Variants in TFAP2B observed in about 807,000 individuals in gnomAD.
The protein encoded by TFAP2B is transcription factor AP-2-beta.
In TFAP2B, 9 loss-of-function variants were observed where a neutral mutation model predicts 44.3. The ratio of observed to expected loss-of-function variants is 0.20; its 90% CI spans 0.12 to 0.35. The LOEUF is 0.35. Ranked by LOEUF, TFAP2B falls within the 10% of genes least tolerant of loss-of-function variation. The pLI is 1.00. For missense variants in TFAP2B, 509 were observed against 600.0 expected, an observed-to-expected ratio of 0.85 and a Z score of 1.59; for synonymous variants, 270 against 263.8, an observed-to-expected ratio of 1.02 and a Z score of -0.23.
chr6:50,843,491 AATTAT>A lies in TFAP2B; in HGVS notation c.*104_*108del, dbSNP rs1380222439. On this transcript the variant is annotated 3_prime_UTR_variant, in exon 7 of 7. Coordinates refer to ENST00000393655, the MANE Select transcript of TFAP2B (RefSeq NM_003221.4). The stretch of plus-strand genomic sequence containing the variant: ...TAAAATATTGGATTGGCTTTGGAAG[AATTAT>A]ATTAGGTAGAATACACATACAATCA... 81 of 1,290,748 alleles carry A rather than the reference AATTAT, an allele frequency of 6.3e-5. 2 individuals carry two copies. In the East Asian group the frequency reaches 1.2e-3, roughly 18 times the overall value. The allele number at this position is 1,290,748 out of a possible 1,614,324, so 80.0% of individuals were successfully genotyped here. A position where few individuals can be genotyped will look rare whatever the true frequency, so the allele number is the denominator to read the frequency against.
chr6:50,830,451 G>A, intron 3 of TFAP2B: 1 of 307,488 alleles, frequency 3.3e-6, no homozygotes, highest in Non-Finnish European at 4.8e-6. Flanking sequence ...ATAAGAAAAA[G>A]AGAATAATGA....
At chr6:50,823,961 T>C (rs1770434693) in intron 2 of TFAP2B, 96 bp downstream of exon 2, 1 of 1,322,892 alleles carries the variant, frequency 7.6e-7, no homozygotes, top group African/African-American at 1.4e-5. Flanking sequence ...TCTGTCTCTT[T>C]TTGGGGAGTT....
chr6:50,823,889 CAA>C (rs1350379385), intron 2 of TFAP2B, 24 bp downstream of exon 2: 10 of 1,537,852 alleles, frequency 6.5e-6, no homozygotes, highest in Middle Eastern at 3.3e-4. Context: ...AACAAACAAA[CAA>C]ACAAAAAAGA....
In TFAP2B at chr6:50,846,599, T is replaced by C. The variant is rs888230460; in HGVS notation, c.*3207T>C. On this transcript the variant is annotated 3_prime_UTR_variant, in exon 7 of 7. Transcript: ENST00000393655. ...CCTTCACACTTTCCACTTCGCAAGT[T>C]CTTTTAAAGGTTCCAAAGATCTCCA... 6 of 152,150 alleles carry C rather than the reference T, an allele frequency of 3.9e-5. No homozygotes were observed. The highest frequency in any genetic ancestry group is 7.3e-5 in the African/African-American group (3 of 41,364). 9.4% of individuals were successfully genotyped at this position (152,150 alleles called of 1,614,324 possible). A position where few individuals can be genotyped will look rare whatever the true frequency, so the allele number is the denominator to read the frequency against.
intron 2 of TFAP2B, among the ~76,000 whole-genome samples, chr6:50,824,705 G>A (rs769437370): frequency 6.6e-6 from 1 of 152,026 alleles, no homozygotes; most frequent in Admixed American, 6.6e-5. Flanking sequence ...AAAACAAAAG[G>A]CTCAAAACAC....
At chr6:50,821,466 GTCTC>G (rs534022728) in intron 1 of TFAP2B, among the ~76,000 whole-genome samples, 279 of 152,262 alleles carry the variant, frequency 1.8e-3, no homozygotes, top group African/African-American at 6.5e-3. Context: ...GATTAGGGAA[GTCTC>G]TCTCCAGGTA....
chr6:50,825,712 CAGAGGTAG>C (rs1036626735), intron 2 of TFAP2B, among the ~76,000 whole-genome samples: 39 of 152,206 alleles, frequency 2.6e-4, no homozygotes, highest in African/African-American at 8.9e-4. Context: ...ATACAGACCA[CAGAGGTAG>C]AGAGCTGAAA....
intron 6 of TFAP2B, among the ~76,000 whole-genome samples, chr6:50,841,830 A>C (rs1414567638): frequency 6.6e-6 from 1 of 152,192 alleles, no homozygotes; most frequent in Non-Finnish European, 1.5e-5. Flanking sequence ...GTATGTGTGT[A>C]CTTCAAAGGG....
chr6:50,844,890 C>T lies in TFAP2B; in HGVS notation c.*1498C>T, dbSNP rs1007537720. The T allele has an allele frequency of 3.3e-5, 5 of 152,150 alleles. No homozygotes were observed. The highest frequency in any genetic ancestry group is 5.9e-5 in the Non-Finnish European group (4 of 68,032). The allele number at this position is 152,150 out of a possible 1,614,324, so 9.4% of individuals were successfully genotyped here. A position where few individuals can be genotyped will look rare whatever the true frequency, so the allele number is the denominator to read the frequency against. ...GGCATTTTTCCCTCCCAGACGTGCA[C>T]TTGTTTTGGCATATAATGGCAAAAT... On this transcript the variant is annotated 3_prime_UTR_variant, in exon 7 of 7. Transcript: ENST00000393655.
In TFAP2B at chr6:50,847,415, C is replaced by A. The variant is rs149020095; in HGVS notation, c.*4023C>A. ...ATTTAATGGGAATGTGTAAATATGG[C>A]GAGCAAGTAGTTTGGGATTATTTAT... On this transcript the variant is annotated 3_prime_UTR_variant, in exon 7 of 7. Transcript: ENST00000393655. 1 of 152,440 alleles carries A rather than the reference C, an allele frequency of 6.6e-6. No individual in the cohort carries two copies. The highest frequency in any genetic ancestry group is 2.4e-5 in the African/African-American group (1 of 41,372). 9.4% of individuals were successfully genotyped at this position (152,440 alleles called of 1,614,324 possible). A position where few individuals can be genotyped will look rare whatever the true frequency, so the allele number is the denominator to read the frequency against.
intron 6 of TFAP2B, among the ~76,000 whole-genome samples, chr6:50,841,039 TAAAG>T (rs1762718878): frequency 6.6e-6 from 1 of 152,220 alleles, no homozygotes; most frequent in Non-Finnish European, 1.5e-5. Flanking sequence ...CAGCGTAATT[TAAAG>T]AAATATATGG....
At chr6:50,842,030 G>T (rs1229382165) in intron 6 of TFAP2B, among the ~76,000 whole-genome samples, 1 of 152,232 alleles carries the variant, frequency 6.6e-6, no homozygotes, top group African/African-American at 2.4e-5. Context: ...GCTAGGCCAG[G>T]TGTGGCCAGG....
chr6:50,824,324 T>G (rs1177553620), intron 2 of TFAP2B, among the ~76,000 whole-genome samples: 1 of 152,144 alleles, frequency 6.6e-6, no homozygotes, highest in Non-Finnish European at 1.5e-5. Flanking sequence ...CAGAATGAAG[T>G]TCCAGGGGCC....
At chr6:50,827,066 C>T (rs1770528731) in intron 2 of TFAP2B, among the ~76,000 whole-genome samples, 1 of 152,274 alleles carries the variant, frequency 6.6e-6, no homozygotes, top group East Asian at 1.9e-4. Context: ...CCACAACTAC[C>T]CCACGTCGCT....
intron 6 of TFAP2B, 114 bp from the exon 7 acceptor site, chr6:50,842,978 T>C: frequency 7.2e-7 from 1 of 1,396,104 alleles, no homozygotes; most frequent in Non-Finnish European, 1.0e-6. Context: ...TCGCCCACAT[T>C]AGCCTCGCTC....
chr6:50,832,499 T>G (rs1233884485), intron 3 of TFAP2B, among the ~76,000 whole-genome samples: 1 of 152,174 alleles, frequency 6.6e-6, no homozygotes, highest in Non-Finnish European at 1.5e-5. Context: ...GAATAAAATT[T>G]TACACTCAGG....
chr6:50,832,979 T>C (rs1762545522), intron 3 of TFAP2B, among the ~76,000 whole-genome samples: 1 of 152,158 alleles, frequency 6.6e-6, no homozygotes, highest in African/African-American at 2.4e-5. Flanking sequence ...GGGTGTTACA[T>C]CCAGAACTTG....
chr6:50,841,887 C>T (rs1256742062), intron 6 of TFAP2B, among the ~76,000 whole-genome samples: 1 of 152,192 alleles, frequency 6.6e-6, no homozygotes, highest in Non-Finnish European at 1.5e-5. Flanking sequence ...CATCTTAAAA[C>T]CAGCAACAGT....
At chr6:50,834,357 C>A (rs1026223176) in intron 3 of TFAP2B, among the ~76,000 whole-genome samples, 2 of 152,230 alleles carry the variant, frequency 1.3e-5, no homozygotes, top group African/African-American at 2.4e-5. Context: ...TTGCCAACAT[C>A]AATTCATCCA....
Sources: gnomAD v4.1 joint callset for allele counts (sites outside exome capture counted in the v4.1 genomes callset) on GRCh38, gnomAD v4.1.1 for gene constraint, MANE v1.5 for transcripts, NCBI Gene and HGNC (gene_info 2026-07-23, HGNC 2026-07-21) for gene names.